TENT4B: variants seen among roughly 807,000 people sequenced by gnomAD.
TENT4B encodes terminal nucleotidyltransferase 4B.
In TENT4B, 10 loss-of-function variants were observed where a neutral mutation model predicts 75.0. That is an observed-to-expected ratio of 0.13 (90% CI 0.08 to 0.23). The LOEUF (loss-of-function observed/expected upper bound fraction) is 0.23, where lower values mean the gene tolerates loss of function less well. Ranked by LOEUF, TENT4B falls within the 10% of genes least tolerant of loss-of-function variation. The pLI is 1.00. For synonymous variants in TENT4B, 350 were observed against 357.7 expected, an observed-to-expected ratio of 0.98 and a Z score of 0.24; for missense variants, 579 against 893.8, an observed-to-expected ratio of 0.65 and a Z score of 4.49.
chr16:50,167,666 T>TTTGTTG (rs55758522), intron 1 of TENT4B, among the ~76,000 whole-genome samples: 8 of 151,246 alleles, frequency 5.3e-5, no homozygotes, highest in South Asian at 2.1e-4. Context: ...TTGAGGTTTT[T>TTTGTTG]TTGTTGTTGT....
chr16:50,188,701 A>C (rs771598278), intron 1 of TENT4B, among the ~76,000 whole-genome samples: 2 of 152,142 alleles, frequency 1.3e-5, no homozygotes, highest in Non-Finnish European at 2.9e-5. Context: ...TCCAGTTTTA[A>C]ACAACTTGGG....
chr16:50,182,464 G>A (rs2038433350), intron 1 of TENT4B, among the ~76,000 whole-genome samples: 1 of 152,002 alleles, frequency 6.6e-6, no homozygotes. Flanking sequence ...CTATTTCTTA[G>A]TCCCCTTAAG....
intron 6 of TENT4B, 122 bp from the exon 7 acceptor site, chr16:50,223,052 T>G: frequency 1.4e-6 from 1 of 719,796 alleles, no homozygotes; most frequent in Non-Finnish European, 2.3e-6. Context: ...CATTATCAAC[T>G]GACTGCTATG....
At chr16:50,219,384 G>A (rs2031721939) in intron 5 of TENT4B, among the ~76,000 whole-genome samples, 1 of 152,106 alleles carries the variant, frequency 6.6e-6, no homozygotes, top group Non-Finnish European at 1.5e-5. Context: ...TTCCATATTA[G>A]CACATACAGG....
chr16:50,154,637 T>A (rs1463739264), intron 1 of TENT4B, among the ~76,000 whole-genome samples: 2 of 151,098 alleles, frequency 1.3e-5, no homozygotes, highest in Non-Finnish European at 2.9e-5. Flanking sequence ...TTCCCCATCA[T>A]CACAACTCAA....
intron 10 of TENT4B, 131 bp from the exon 11 acceptor site, chr16:50,227,708 T>G (rs2032115638): frequency 1.1e-6 from 1 of 944,752 alleles, no homozygotes; most frequent in African/African-American, 1.7e-5. Flanking sequence ...TAATTTTTTG[T>G]GTGCTTCTTT....
In TENT4B at chr16:50,154,358, C is replaced by T. The variant is rs529555826; in HGVS notation, c.638+99C>T. The stretch of plus-strand genomic sequence containing the variant: ...GTTGTGAGGGTCTAGGAGCGGCCAC[C>T]CCCACGGCCTGCCTTCGCTGCTGTT... On this transcript the variant is annotated intron_variant, in intron 1 of 11. Coordinates refer to ENST00000561678, the MANE Select transcript of TENT4B (RefSeq NM_001365324.3). 3.6e-3 allele frequency: 4,766 copies of T among 1,341,638 alleles called. 12 individuals are homozygous for T. The highest frequency in any genetic ancestry group is 4.1e-3 in the Non-Finnish European group (4,273 of 1,051,330). 83.1% of individuals were successfully genotyped at this position (1,341,638 alleles called of 1,614,324 possible).
chr16:50,227,575 ATAAACT>A (rs2032111687), intron 10 of TENT4B, among the ~76,000 whole-genome samples: 1 of 152,220 alleles, frequency 6.6e-6, no homozygotes, highest in Non-Finnish European at 1.5e-5. Context: ...AAAAAAACAA[ATAAACT>A]TAGACCTCTG....
chr16:50,158,679 A>AC (rs1214766215), intron 1 of TENT4B, among the ~76,000 whole-genome samples: 3 of 152,166 alleles, frequency 2.0e-5, no homozygotes, highest in Admixed American at 6.5e-5. Context: ...TGTTGGCTGT[A>AC]CTGCCAGATC....
At chr16:50,210,039 T>C (rs2031196258) in intron 1 of TENT4B, among the ~76,000 whole-genome samples, 1 of 152,154 alleles carries the variant, frequency 6.6e-6, no homozygotes, top group Non-Finnish European at 1.5e-5. Context: ...TCCTTACCAC[T>C]GCTGTGCCCC....
At chr16:50,163,801 T>G (rs1284318589) in intron 1 of TENT4B, among the ~76,000 whole-genome samples, 2 of 152,188 alleles carry the variant, frequency 1.3e-5, no homozygotes, top group Non-Finnish European at 2.9e-5. Flanking sequence ...TACGCACTCT[T>G]ACTGTGGGAA....
chr16:50,173,724 C>T (rs903618963), intron 1 of TENT4B, among the ~76,000 whole-genome samples: 6 of 152,248 alleles, frequency 3.9e-5, no homozygotes, highest in Admixed American at 1.3e-4. Context: ...AATGGAATCT[C>T]GCTCTATTGC....
In TENT4B at chr16:50,153,927, C is replaced by T. The variant is rs2037831991; in HGVS notation, c.306C>T (p.Asp102=). 3 of 1,530,248 alleles carry T rather than the reference C, an allele frequency of 2.0e-6. No homozygotes were observed. Among genetic ancestry groups the T allele is most frequent in the Admixed American group, 4.0e-5 (2 of 50,592 alleles). 94.8% of individuals were successfully genotyped at this position (1,530,248 alleles called of 1,614,324 possible). The change falls in exon 1 of 12, where the codon GAC becomes GAT. Residue 102 remains aspartate, a synonymous_variant. Coordinates refer to ENST00000561678, the MANE Select transcript of TENT4B (RefSeq NM_001365324.3). ...ACGCGCTGCCCGCGGAGCAGCGGGA[C>T]TTCCTGCCCCTAGAGACGACCAACA... is the stretch of plus-strand genomic sequence containing the variant. The part of the protein sequence containing the change: ...GSHALPAEQR[D]FLPLETTNNN...
chr16:50,208,932 G>A (rs1313314064), intron 1 of TENT4B, among the ~76,000 whole-genome samples: 1 of 152,172 alleles, frequency 6.6e-6, no homozygotes, highest in African/African-American at 2.4e-5. Context: ...GGGGTTTTGC[G>A]TGTTGGCCAG....
chr16:50,163,073 C>G (rs2038030633), intron 1 of TENT4B, among the ~76,000 whole-genome samples: 1 of 152,094 alleles, frequency 6.6e-6, no homozygotes, highest in Admixed American at 6.6e-5. Context: ...GGGACTTAGT[C>G]CCTTAGTTTT....
chr16:50,185,061 G>A (rs1425764365), intron 1 of TENT4B, among the ~76,000 whole-genome samples: 2 of 152,152 alleles, frequency 1.3e-5, no homozygotes, highest in African/African-American at 2.4e-5. Context: ...AGGCGCTAGG[G>A]TTATTTCCAC....
At position 50,227,895 on chromosome 16, in the gene TENT4B, T is replaced by C. The variant is rs777109345; in HGVS notation, c.1857T>C (p.Thr619=). 3.2e-5 allele frequency: 52 copies of C among 1,613,914 alleles called. No individual in the cohort carries two copies. The South Asian group carries it at 5.5e-4, about 17-fold the overall frequency. The part of the protein sequence containing the change: ...TPKQLLCRPS[T]GNRVGSQDVS... Reference sequence around the variant, plus strand: ...AACAGCTGCTTTGCCGTCCGTCCACTGGGAACCGAGTAGGGTCGCAAGATG... The same window carrying C: ...AACAGCTGCTTTGCCGTCCGTCCACCGGGAACCGAGTAGGGTCGCAAGATG... Residue 619 remains threonine, a synonymous_variant, in exon 11 of 12, where the codon ACT becomes ACC. Transcript: ENST00000561678.
chr16:50,170,754 C>T (rs905622104), intron 1 of TENT4B, among the ~76,000 whole-genome samples: 2 of 151,994 alleles, frequency 1.3e-5, no homozygotes, highest in Non-Finnish European at 2.9e-5. Flanking sequence ...ACAACCTCCA[C>T]CTCCTGGGTT....
chr16:50,152,933 C>A (rs1307730579), upstream of TENT4B: 3 of 1,496,834 alleles, frequency 2.0e-6, no homozygotes, highest in Non-Finnish European at 1.8e-6. Context: ...GCGCTCCCTG[C>A]GGGGCGGGCG....
Sources: gnomAD v4.1 joint callset for allele counts (sites outside exome capture counted in the v4.1 genomes callset) on GRCh38, gnomAD v4.1.1 for gene constraint, MANE v1.5 for transcripts, NCBI Gene and HGNC (gene_info 2026-07-23, HGNC 2026-07-21) for gene names.